The following HDAC5 variants were observed in gnomAD, a reference collection of about 807,000 sequenced individuals.
HDAC5 encodes histone deacetylase 5.
In HDAC5, 25 loss-of-function variants were observed where a neutral mutation model predicts 133.3. That is an observed-to-expected ratio of 0.19 (90% CI 0.14 to 0.26). The LOEUF (loss-of-function observed/expected upper bound fraction) is 0.26. Among genes scored for constraint, HDAC5 ranks in the 10% least tolerant of loss-of-function variants. The pLI is 1.00. For synonymous variants in HDAC5, 589 were observed against 610.8 expected (o/e 0.96, Z 0.53); for missense variants, 1,041 against 1,460.5 (o/e 0.71, Z 4.68).
chr17:44,119,396 G>A (rs2096405976), intron 1 of HDAC5, among the ~76,000 whole-genome samples: 2 of 152,180 alleles, frequency 1.3e-5, no homozygotes, highest in Non-Finnish European at 2.9e-5. Context: ...TGCTCAGAAG[G>A]GGCACAGCCC....
chr17:44,109,428 C>T (rs1044415895), intron 3 of HDAC5, among the ~76,000 whole-genome samples: 1 of 152,140 alleles, frequency 6.6e-6, no homozygotes, highest in African/African-American at 2.4e-5. Context: ...TCTTGTAGAG[C>T]CGGTTCCCAA....
At position 44,085,048 on chromosome 17, in the gene HDAC5, C is replaced by T; in HGVS notation, c.2158G>A (p.Glu720Lys). 6.3e-7 allele frequency: 1 copy of T among 1,593,320 alleles called. No homozygotes were observed. The highest frequency in any genetic ancestry group is 8.6e-7 in the Non-Finnish European group (1 of 1,162,650). The part of the protein sequence containing the change: ...RIQSIWSRLQ[E>K]TGLLSKCERI... ...TCGCACTTGCTAAGCAGGCCTGTCTCCTGCAGCCGGGACCAGATGCTCTGG... is the reference window on the plus strand; with the variant it reads ...TCGCACTTGCTAAGCAGGCCTGTCTTCTGCAGCCGGGACCAGATGCTCTGG... Residue 720 changes from glutamate (E) to lysine (K), a missense_variant, in exon 15 of 27, where the codon GAG becomes AAG. By Grantham distance (56) the Glu-to-Lys change is moderately conservative (BLOSUM62 1). Coordinates refer to ENST00000682912, the MANE Select transcript of HDAC5 (RefSeq NM_005474.5).
chr17:44,097,314 T>C (rs551316946), intron 3 of HDAC5, among the ~76,000 whole-genome samples: 76 of 152,300 alleles, frequency 5.0e-4, no homozygotes, highest in Non-Finnish European at 8.8e-4. Context: ...CCAGGCATGG[T>C]TGGGAACATT....
chr17:44,095,261 T>C (rs2051195517), intron 3 of HDAC5, among the ~76,000 whole-genome samples: 2 of 152,166 alleles, frequency 1.3e-5, no homozygotes, highest in Admixed American at 1.3e-4. Flanking sequence ...AGCTAGGTGA[T>C]CCAATAACTA....
chr17:44,110,388 G>A (rs553153690), intron 3 of HDAC5, among the ~76,000 whole-genome samples: 3 of 152,324 alleles, frequency 2.0e-5, no homozygotes, highest in Admixed American at 6.5e-5. Context: ...ATGGAGGCGG[G>A]TCACTGACCC....
chr17:44,107,640 G>A (rs1333853443), intron 3 of HDAC5, among the ~76,000 whole-genome samples: 1 of 145,562 alleles, frequency 6.9e-6, no homozygotes, highest in Non-Finnish European at 1.5e-5. Flanking sequence ...GGCAGGGAAA[G>A]TACCTGATAG....
At chr17:44,093,045 C>A (rs751337366) in intron 6 of HDAC5, 47 bp downstream of exon 6, 12 of 1,408,754 alleles carry the variant, frequency 8.5e-6, no homozygotes, top group Non-Finnish European at 1.1e-5. Flanking sequence ...CCAGGCAGCC[C>A]CTGAGCGGCT....
chr17:44,105,897 A>G (rs190494570), intron 3 of HDAC5, among the ~76,000 whole-genome samples: 2 of 152,332 alleles, frequency 1.3e-5, no homozygotes, highest in Non-Finnish European at 2.9e-5. Flanking sequence ...TACTCGCATC[A>G]GAATCACCTG....
Position 44,117,313 on chromosome 17 carries a change from C to T in HDAC5, c.22+181G>A, listed in dbSNP as rs917363532. Reference sequence around the variant, plus strand: ...CCTTCCCAGGACCAGACCGGACCATCGATCCCTCGATTCCCAGGTCTACCT... The same window carrying T: ...CCTTCCCAGGACCAGACCGGACCATTGATCCCTCGATTCCCAGGTCTACCT... On this transcript the variant is annotated intron_variant, in intron 2 of 26. Transcript: ENST00000682912. The surrounding 1 kb of genome is among the most constrained non-coding windows in gnomAD (Gnocchi z 4.2). 6.6e-6 allele frequency among the ~76,000 whole-genome samples: 1 copy of T among 152,184 alleles called. No homozygotes were observed. Among genetic ancestry groups the T allele is most frequent in the African/African-American group, 2.4e-5 (1 of 41,430 alleles).
At chr17:44,122,361 C>T (rs1478654303) in intron 1 of HDAC5, among the ~76,000 whole-genome samples, 2 of 151,996 alleles carry the variant, frequency 1.3e-5, no homozygotes, top group Admixed American at 1.3e-4. Context: ...ATCTCACCCT[C>T]CCCCCCACCT....
At chr17:44,092,887 T>C in intron 6 of HDAC5, 81 bp from the exon 7 acceptor site, 1 of 665,946 alleles carries the variant, frequency 1.5e-6, no homozygotes, top group Non-Finnish European at 2.5e-6. Context: ...GCAATCTACA[T>C]TTATGAAAAA....
intron 23 of HDAC5, among the ~76,000 whole-genome samples, chr17:44,079,890 TC>T (rs1207133756): frequency 7.9e-5 from 12 of 152,150 alleles, no homozygotes; most frequent in Admixed American, 6.5e-5. Flanking sequence ...GCAGGATACA[TC>T]CTCTATCCTC....
rs1479137259 is a variant in HDAC5, at chr17:44,117,585, CAA to C, written c.-72_-71del. ...GGAGGGGGTGGAGCTGCGGTGATGT[CAA>C]GAGAGACAGACGATAACAGACAGAC... On this transcript the variant is annotated 5_prime_UTR_variant, in exon 2 of 27. The change abolishes the stop of an existing upstream ORF in the 5' untranslated region. Coordinates refer to ENST00000682912, the MANE Select transcript of HDAC5 (RefSeq NM_005474.5). This position sits in a 1 kb window ranked among gnomAD's most constrained non-coding sequence, Gnocchi z 4.2. 1.3e-6 allele frequency: 2 copies of C among 1,555,066 alleles called. No homozygotes were observed. The highest frequency in any genetic ancestry group is 1.8e-6 in the Non-Finnish European group (2 of 1,132,444).
chr17:44,082,523 GA>G, intron 20 of HDAC5, 61 bp downstream of exon 20: 1 of 1,343,782 alleles, frequency 7.4e-7, no homozygotes, highest in Non-Finnish European at 1.1e-6. Context: ...GAGACTTCCT[GA>G]AGGCTGACCC....
intron 3 of HDAC5, among the ~76,000 whole-genome samples, chr17:44,094,159 CT>C (rs1453656160): frequency 6.6e-6 from 1 of 151,942 alleles, no homozygotes; most frequent in Non-Finnish European, 1.5e-5. Context: ...CCCCTCACTA[CT>C]AAAAATACAA....
intron 2 of HDAC5, among the ~76,000 whole-genome samples, chr17:44,114,934 A>T (rs2052563429): frequency 6.6e-6 from 1 of 152,164 alleles, no homozygotes; most frequent in African/African-American, 2.4e-5. Flanking sequence ...AGGTAAATAA[A>T]GTCAAAGGCT....
At chr17:44,082,988 G>T (rs1359982053) in intron 18 of HDAC5, among the ~76,000 whole-genome samples, 168 bp from the exon 19 acceptor site, 2 of 151,908 alleles carry the variant, frequency 1.3e-5, no homozygotes, top group Non-Finnish European at 2.9e-5. Context: ...TTTTTTATGG[G>T]TTTTTTTGGA....
rs1375614749 is a variant in HDAC5 at position 44,117,901 on chromosome 17, CA to C, written c.-189-198del. Among the ~76,000 whole-genome samples the C allele has an allele frequency of 4.6e-5, 7 of 152,168 alleles. No individual in the cohort carries two copies. The highest frequency in any genetic ancestry group is 7.4e-5 in the Non-Finnish European group (5 of 68,026). On this transcript the variant is annotated intron_variant, in intron 1 of 26. Transcript: ENST00000682912. This position sits in a 1 kb window ranked among gnomAD's most constrained non-coding sequence, Gnocchi z 4.2. ...ACTAACTGATGAGGCTCCCAGAGCC[CA>C]AGGGATAGGAAATGGCTATGGTGGC...
intron 2 of HDAC5, among the ~76,000 whole-genome samples, chr17:44,115,086 G>C (rs774170835): frequency 2.6e-5 from 4 of 152,236 alleles, no homozygotes; most frequent in Non-Finnish European, 4.4e-5. Flanking sequence ...GTGAGGACCA[G>C]GGATGGCCCA....
Sources: gnomAD v4.1 joint callset for allele counts (sites outside exome capture counted in the v4.1 genomes callset) on GRCh38, gnomAD v4.1.1 for gene constraint, Gnocchi (gnomAD v3.1) non-coding constraint, MANE v1.5 for transcripts, NCBI Gene and HGNC (gene_info 2026-07-23, HGNC 2026-07-21) for gene names.